Variants in DYNLL2 observed in about 807,000 individuals in gnomAD.
DYNLL2 encodes dynein light chain 2, cytoplasmic.
A neutral mutation model predicts 9.7 loss-of-function variants in DYNLL2; 1 was observed. The observed-to-expected ratio is 0.10, with a 90% CI of 0.04 to 0.49. The LOEUF is 0.49. DYNLL2 is among the 20% of genes least tolerant of loss of function. The pLI, the probability that DYNLL2 is intolerant of heterozygous loss-of-function variation, is 0.95. For synonymous variants in DYNLL2, 35 were observed against 40.5 expected, an observed-to-expected ratio of 0.86 and a Z score of 0.52; for missense variants, 37 against 115.2, an observed-to-expected ratio of 0.32 and a Z score of 3.11.
chr17:58,088,394 C>T (rs1489020117), intron 2 of DYNLL2, among the ~76,000 whole-genome samples: 1 of 152,206 alleles, frequency 6.6e-6, no homozygotes, highest in Non-Finnish European at 1.5e-5. Context: ...GAGTTGGCAG[C>T]GTTGGTGGGC....
intron 2 of DYNLL2, 84 bp downstream of exon 2, chr17:58,087,306 A>G (rs1885838953): frequency 6.4e-7 from 1 of 1,570,308 alleles, no homozygotes; most frequent in African/African-American, 1.4e-5. Context: ...AGCTGGGGAC[A>G]TAAGAAAGCC....
chr17:58,089,610 G>A lies in DYNLL2; in HGVS notation c.*331G>A, dbSNP rs1197394801. The A allele has an allele frequency of 4.7e-6, 2 of 424,132 alleles. No homozygotes were observed. The highest frequency in any genetic ancestry group is 8.2e-6 in the Non-Finnish European group (2 of 244,498). The allele number at this position is 424,132 out of a possible 1,614,324, so 26.3% of individuals were successfully genotyped here. On this transcript the variant is annotated 3_prime_UTR_variant, in exon 3 of 3. Coordinates refer to ENST00000579991, the MANE Select transcript of DYNLL2 (RefSeq NM_080677.3). ...AAAAGGCCCACCATAGAGACTAGGC[G>A]GCCGAAAGACTAGGAGGGCTGAGGA...
At chr17:58,086,969 T>C (rs1268749290) in intron 1 of DYNLL2, 113 bp from the exon 2 acceptor site, 4 of 1,308,344 alleles carry the variant, frequency 3.1e-6, no homozygotes, top group Non-Finnish European at 3.2e-6. Flanking sequence ...CCGTGTTTTC[T>C]GTTGCCCTCA....
intron 2 of DYNLL2, among the ~76,000 whole-genome samples, chr17:58,087,859 A>G (rs1203414113): frequency 6.6e-6 from 1 of 152,200 alleles, no homozygotes; most frequent in African/African-American, 2.4e-5. Context: ...AGCTGTGCCA[A>G]AAGTAAGAAA....
chr17:58,083,981 T>A (rs1211472612), intron 1 of DYNLL2, among the ~76,000 whole-genome samples: 1 of 151,754 alleles, frequency 6.6e-6, no homozygotes, highest in Non-Finnish European at 1.5e-5. Context: ...GGAGTCTCTC[T>A]GCGCTGCGTG....
Position 58,093,695 on chromosome 17 carries a change from C to G in DYNLL2, c.*4416C>G, listed in dbSNP as rs559665991. On this transcript the variant is annotated 3_prime_UTR_variant, in exon 3 of 3. Transcript: ENST00000579991. The stretch of plus-strand genomic sequence containing the variant: ...TTTCCTCTCTCCCTCCTCCTTACTC[C>G]TCTCTACTAAGGATTAAGGAGCCAC... 2 of 152,282 alleles carry G rather than the reference C, an allele frequency of 1.3e-5. No individual in the cohort carries two copies. The highest frequency in any genetic ancestry group is 2.1e-4 in the South Asian group (1 of 4,820). The allele number at this position is 152,282 out of a possible 1,614,324, so 9.4% of individuals were successfully genotyped here.
intron 2 of DYNLL2, among the ~76,000 whole-genome samples, chr17:58,088,601 CAG>C (rs1382909096): frequency 6.6e-6 from 1 of 152,228 alleles, no homozygotes; most frequent in Non-Finnish European, 1.5e-5. Flanking sequence ...ACAGCCCACA[CAG>C]TGCATGGCAC....
rs1453825574 is a variant in DYNLL2, at chr17:58,092,413, A to T, written c.*3134A>T. On this transcript the variant is annotated 3_prime_UTR_variant, in exon 3 of 3. Transcript: ENST00000579991. ...TGCTCATCTGGAAGACTAATCCTGC[A>T]GGGCTTCCTGGAGGAGATGAGCCTC... is the stretch of plus-strand genomic sequence containing the variant. 6.6e-6 allele frequency: 1 copy of T among 152,270 alleles called. No individual in the cohort carries two copies. Among genetic ancestry groups the T allele is most frequent in the Non-Finnish European group, 1.5e-5 (1 of 68,076 alleles). 9.4% of individuals were successfully genotyped at this position (152,270 alleles called of 1,614,324 possible). A position where few individuals can be genotyped will look rare whatever the true frequency, so the allele number is the denominator to read the frequency against.
chr17:58,093,594 G>A lies in DYNLL2; in HGVS notation c.*4315G>A, dbSNP rs2075787917. 6.6e-6 allele frequency: 1 copy of A among 152,138 alleles called. No individual in the cohort carries two copies. Among genetic ancestry groups the A allele is most frequent in the Non-Finnish European group, 1.5e-5 (1 of 68,042 alleles). The allele number at this position is 152,138 out of a possible 1,614,324, so 9.4% of individuals were successfully genotyped here. On this transcript the variant is annotated 3_prime_UTR_variant, in exon 3 of 3. Coordinates refer to ENST00000579991, the MANE Select transcript of DYNLL2 (RefSeq NM_080677.3). ...TCTCATGGATACTCTTTAAGATGTA[G>A]GCCCAGATCTCTTAGTAGTGAATCC...
chr17:58,089,969 CCTT>C lies in DYNLL2; in HGVS notation c.*694_*696del. On this transcript the variant is annotated 3_prime_UTR_variant, in exon 3 of 3. Coordinates refer to ENST00000579991, the MANE Select transcript of DYNLL2 (RefSeq NM_080677.3). Reference sequence around the variant, plus strand: ...GTAAGGGCTGTGTCTTTGTGGATTACCTTCTTTTGTTCTTCCTGCCAGAGATCA... The same window carrying C: ...GTAAGGGCTGTGTCTTTGTGGATTACCTTTTGTTCTTCCTGCCAGAGATCA... 2.5e-6 allele frequency: 1 copy of C among 398,566 alleles called. No individual in the cohort carries two copies. 24.7% of individuals were successfully genotyped at this position (398,566 alleles called of 1,614,324 possible).
chr17:58,085,548 T>A (rs977198617), intron 1 of DYNLL2, among the ~76,000 whole-genome samples: 4 of 152,138 alleles, frequency 2.6e-5, no homozygotes, highest in Non-Finnish European at 4.4e-5. Flanking sequence ...TACTGCTCCA[T>A]GTGTTGGGAC....
chr17:58,085,093 A>T (rs1382395871), intron 1 of DYNLL2, among the ~76,000 whole-genome samples: 37 of 152,192 alleles, frequency 2.4e-4, no homozygotes, highest in Non-Finnish European at 7.3e-5. Context: ...TCAGCACCAC[A>T]TGGTGCTCAC....
rs2075785949 is a variant in DYNLL2, at chr17:58,093,004, A to AT, written c.*3728dup. On this transcript the variant is annotated 3_prime_UTR_variant, in exon 3 of 3. Transcript: ENST00000579991. ...CGTAGCATCTGCCAACGCTTGACAT[A>AT]TTTGTTTTTTGTTTACTTTCTGGCC... 6.6e-6 allele frequency: 1 copy of AT among 152,110 alleles called. No individual in the cohort carries two copies. 9.4% of individuals were successfully genotyped at this position (152,110 alleles called of 1,614,324 possible). A position where few individuals can be genotyped will look rare whatever the true frequency, so the allele number is the denominator to read the frequency against.
Position 58,089,324 on chromosome 17 carries a change from C to G in DYNLL2, c.*45C>G, listed in dbSNP as rs767103775. The G allele has an allele frequency of 1.9e-6, 3 of 1,604,700 alleles. No homozygotes were observed. The South Asian group carries it at 3.3e-5, about 18-fold the overall frequency. On this transcript the variant is annotated 3_prime_UTR_variant, in exon 3 of 3. Coordinates refer to ENST00000579991, the MANE Select transcript of DYNLL2 (RefSeq NM_080677.3). ...CAGTGGCGGCGGCAGCGATGGCAAG[C>G]AGGCGGCGTTGCTGGGACTGTTTTG...
At chr17:58,088,802 T>C (rs976219568) in intron 2 of DYNLL2, among the ~76,000 whole-genome samples, 2 of 152,184 alleles carry the variant, frequency 1.3e-5, no homozygotes, top group African/African-American at 4.8e-5. Flanking sequence ...CACTGGCCTC[T>C]TGATTCCCTT....
rs2143601395 is a variant in DYNLL2 at position 58,091,866 on chromosome 17, C to CT, written c.*2588dup. On this transcript the variant is annotated 3_prime_UTR_variant, in exon 3 of 3. Coordinates refer to ENST00000579991, the MANE Select transcript of DYNLL2 (RefSeq NM_080677.3). Reference sequence around the variant, plus strand: ...GAGGTGCTTTGCCCTCTTTGTGTTACTATTTCTTTACTCAAAAATATTTAA... The same window carrying CT: ...GAGGTGCTTTGCCCTCTTTGTGTTACTTATTTCTTTACTCAAAAATATTTAA... 6.6e-6 allele frequency: 1 copy of CT among 152,292 alleles called. No individual in the cohort carries two copies. The highest frequency in any genetic ancestry group is 2.1e-4 in the South Asian group (1 of 4,828). 9.4% of individuals were successfully genotyped at this position (152,292 alleles called of 1,614,324 possible). A position where few individuals can be genotyped will look rare whatever the true frequency, so the allele number is the denominator to read the frequency against.
chr17:58,087,630 G>A (rs187348442), intron 2 of DYNLL2, among the ~76,000 whole-genome samples: 1 of 152,250 alleles, frequency 6.6e-6, no homozygotes, highest in Admixed American at 6.5e-5. Flanking sequence ...AAGTGGATAT[G>A]CCTGTAATAA....
chr17:58,086,336 A>G (rs1186623689), intron 1 of DYNLL2, among the ~76,000 whole-genome samples: 1 of 152,248 alleles, frequency 6.6e-6, no homozygotes, highest in Admixed American at 6.5e-5. Context: ...CTGCTATCGT[A>G]GCATGTTCCT....
At position 58,093,767 on chromosome 17, in the gene DYNLL2, G is replaced by C. The variant is rs1042501369; in HGVS notation, c.*4488G>C. Reference sequence around the variant, plus strand: ...GGGAGAGATGGGTCTCCTGGTATTAGAAAGGAGAGCAGACGCCTAGAGTTC... The same window carrying C: ...GGGAGAGATGGGTCTCCTGGTATTACAAAGGAGAGCAGACGCCTAGAGTTC... On this transcript the variant is annotated 3_prime_UTR_variant, in exon 3 of 3. Transcript: ENST00000579991. 7.9e-5 allele frequency: 12 copies of C among 152,298 alleles called. No homozygotes were observed. Among genetic ancestry groups the C allele is most frequent in the Non-Finnish European group, 2.9e-5 (2 of 68,040 alleles). 9.4% of individuals were successfully genotyped at this position (152,298 alleles called of 1,614,324 possible).
Sources: gnomAD v4.1 joint callset for allele counts (sites outside exome capture counted in the v4.1 genomes callset) on GRCh38, gnomAD v4.1.1 for gene constraint, MANE v1.5 for transcripts, NCBI Gene and HGNC (gene_info 2026-07-23, HGNC 2026-07-21) for gene names.